NCAM2: variants seen among roughly 807,000 people sequenced by gnomAD.
NCAM2 encodes the protein N-CAM-2.
Under a neutral mutation model 98.1 loss-of-function variants are expected in NCAM2, and 30 were observed. That is an observed-to-expected ratio of 0.31 (90% CI 0.23 to 0.41). The LOEUF (loss-of-function observed/expected upper bound fraction) is 0.41, where lower values mean the gene tolerates loss of function less well. Ranked by LOEUF, NCAM2 falls within the 10% of genes least tolerant of loss-of-function variation. The pLI, the probability that NCAM2 is intolerant of heterozygous loss-of-function variation, is 1.00. For synonymous variants in NCAM2, 368 were observed against 342.4 expected (o/e 1.07, Z -0.83); for missense variants, 867 against 1,005.8 (o/e 0.86, Z 1.87).
At chr21:21,510,933 C>T (rs867932439) in intron 16 of NCAM2, among the ~76,000 whole-genome samples, 15 of 151,948 alleles carry the variant, frequency 9.9e-5, no homozygotes, top group South Asian at 2.1e-4. Context: ...TATTCAATCT[C>T]GTGCTAAGCA....
At chr21:21,333,700 C>T (rs2074776943) in intron 6 of NCAM2, among the ~76,000 whole-genome samples, 1 of 151,940 alleles carries the variant, frequency 6.6e-6, no homozygotes, top group Non-Finnish European at 1.5e-5. Flanking sequence ...AATGAGTAAG[C>T]AGAGGGAAAA....
rs1372228870 is a variant in NCAM2, at chr21:21,452,995, A to T, written c.1655-13611A>T. ...ATTATTATATATTATATATTATATT[A>T]TATAATATATAATATATAAAAATAT... On this transcript the variant is annotated intron_variant, in intron 12 of 17. Transcript: ENST00000400546. 5.5e-5 allele frequency among the ~76,000 whole-genome samples: 5 copies of T among 90,312 alleles called. No homozygotes were observed. In the Admixed American group the frequency reaches 8.2e-4, roughly 15 times the overall value. The allele number at this position is 90,312 out of a possible 152,430, so 59.2% of individuals were successfully genotyped here. A position where few individuals can be genotyped will look rare whatever the true frequency, so the allele number is the denominator to read the frequency against.
At chr21:21,433,494 C>CT (rs1486759156) in intron 12 of NCAM2, among the ~76,000 whole-genome samples, 1 of 151,770 alleles carries the variant, frequency 6.6e-6, no homozygotes, top group African/African-American at 2.4e-5. Flanking sequence ...AATCCCAGCA[C>CT]TTTTGGAGGC....
At chr21:21,311,718 T>C (rs1243890760) in intron 5 of NCAM2, among the ~76,000 whole-genome samples, 1 of 152,178 alleles carries the variant, frequency 6.6e-6, no homozygotes, top group Non-Finnish European at 1.5e-5. Context: ...CATTCAGATA[T>C]CATACATAAA....
rs1049738784 is a variant in NCAM2, at chr21:21,163,724, T to C, written c.56-116854T>C. 2.5e-4 allele frequency among the ~76,000 whole-genome samples: 38 copies of C among 152,318 alleles called. No homozygotes were observed. In the South Asian group the frequency reaches 4.6e-3, roughly 18 times the overall value. On this transcript the variant is annotated intron_variant, in intron 1 of 17. Transcript: ENST00000400546. ...GTTCTCAGAATTTACATGTGTTATC[T>C]ATGTAATCATTACTAAAATGTTAAA...
rs1491473437 is a variant in NCAM2 at position 21,479,608 on chromosome 21, A to AAAAT, written c.2077+2137_2077+2138insAAAT. ...CAAAAAAAAAAAAAAAAAAAAAAAA[A>AAAAT]TTGTTGATGATAAAAACCAACAATA... On this transcript the variant is annotated intron_variant, in intron 15 of 17. Transcript: ENST00000400546. Among the ~76,000 whole-genome samples, 234 of 127,944 alleles carry AAAAT rather than the reference A, an allele frequency of 1.8e-3. 7 individuals carry two copies. Among genetic ancestry groups the AAAAT allele is most frequent in the African/African-American group, 6.1e-3 (221 of 36,068 alleles). The allele number at this position is 127,944 out of a possible 152,430, so 83.9% of individuals were successfully genotyped here. A position where few individuals can be genotyped will look rare whatever the true frequency, so the allele number is the denominator to read the frequency against.
intron 6 of NCAM2, among the ~76,000 whole-genome samples, chr21:21,332,261 A>G (rs556708565): frequency 6.6e-6 from 1 of 152,142 alleles, no homozygotes; most frequent in African/African-American, 2.4e-5. Flanking sequence ...TGGGGTGCTG[A>G]ATATTTTTGT....
chr21:20,998,686 G>T, intron 1 of NCAM2, 68 bp downstream of exon 1: 1 of 1,399,654 alleles, frequency 7.1e-7, no homozygotes, highest in East Asian at 2.3e-5. Context: ...GAGGCAAAGA[G>T]GGAGGCGCAG....
At chr21:21,080,672 A>AC (rs1273872134) in intron 1 of NCAM2, among the ~76,000 whole-genome samples, 1 of 147,058 alleles carries the variant, frequency 6.8e-6, no homozygotes, top group African/African-American at 2.6e-5. Context: ...AAAAAAAAAA[A>AC]AAAAAAAACC....
intron 1 of NCAM2, among the ~76,000 whole-genome samples, chr21:21,261,769 C>T (rs2071908992): frequency 6.6e-6 from 1 of 151,988 alleles, no homozygotes; most frequent in Non-Finnish European, 1.5e-5. Context: ...AGAAAGATCT[C>T]AAATTTACAA....
Position 21,085,711 on chromosome 21 carries a change from A to G in NCAM2, c.55+87093A>G, listed in dbSNP as rs76839667. Among the ~76,000 whole-genome samples the G allele has an allele frequency of 4.0e-3, 609 of 152,274 alleles. 7 individuals carry two copies. The highest frequency in any genetic ancestry group is 0.014 in the African/African-American group (572 of 41,542). On this transcript the variant is annotated intron_variant, in intron 1 of 17. Transcript: ENST00000400546. ...ATCTTTAAAGACTCTTCCAACAATG[A>G]GTAAAGATTAGTTTCCAGTTGTTTA...
chr21:21,405,625 G>T (rs1170658511), intron 9 of NCAM2, among the ~76,000 whole-genome samples: 1 of 152,052 alleles, frequency 6.6e-6, no homozygotes, highest in Non-Finnish European at 1.5e-5. Context: ...ATGTTTTAAT[G>T]CAGAAGTTTA....
At chr21:21,265,458 A>T (rs181877514) in intron 1 of NCAM2, among the ~76,000 whole-genome samples, 17 of 139,730 alleles carry the variant, frequency 1.2e-4, no homozygotes, top group African/African-American at 4.5e-4. Flanking sequence ...ACACATATAT[A>T]ATATATGTGT....
intron 1 of NCAM2, among the ~76,000 whole-genome samples, chr21:21,114,779 CA>C (rs1446981140): frequency 1.3e-5 from 2 of 151,860 alleles, no homozygotes; most frequent in Non-Finnish European, 2.9e-5. Context: ...TTTTATTAAA[CA>C]AAACAAAACA....
chr21:21,316,205 T>C (rs1172256923), intron 5 of NCAM2, among the ~76,000 whole-genome samples: 1 of 152,146 alleles, frequency 6.6e-6, no homozygotes, highest in Non-Finnish European at 1.5e-5. Context: ...GTTCCAATTA[T>C]TTCTTTCTGG....
chr21:21,268,527 C>A (rs1225660495), intron 1 of NCAM2, among the ~76,000 whole-genome samples: 1 of 152,118 alleles, frequency 6.6e-6, no homozygotes, highest in Non-Finnish European at 1.5e-5. Flanking sequence ...TTCACATTCA[C>A]ACACACACAT....
At chr21:21,054,461 T>C (rs552199272) in intron 1 of NCAM2, among the ~76,000 whole-genome samples, 3 of 151,992 alleles carry the variant, frequency 2.0e-5, no homozygotes, top group Non-Finnish European at 2.9e-5. Flanking sequence ...CCTTACATAC[T>C]CAAATACTAG....
chr21:21,040,551 T>C (rs1330090963), intron 1 of NCAM2, among the ~76,000 whole-genome samples: 1 of 151,904 alleles, frequency 6.6e-6, no homozygotes, highest in Non-Finnish European at 1.5e-5. Context: ...TGTCCATCAG[T>C]AGATGAACAG....
At chr21:21,194,439 A>G (rs2068934818) in intron 1 of NCAM2, among the ~76,000 whole-genome samples, 1 of 152,144 alleles carries the variant, frequency 6.6e-6, no homozygotes, top group Non-Finnish European at 1.5e-5. Context: ...TTTATTTTAT[A>G]AAGATGTGAA....
Sources: allele counts gnomAD v4.1 joint callset (sites outside exome capture counted in the v4.1 genomes callset), GRCh38; gene constraint gnomAD v4.1.1; transcripts MANE v1.5; gene names NCBI Gene and HGNC (gene_info 2026-07-23, HGNC 2026-07-21).